Variants in PPARGC1B observed in about 807,000 individuals in gnomAD.
PPARGC1B encodes PPARG coactivator 1 beta, also known as peroxisome proliferator-activated receptor gamma coactivator 1-beta.
Under a neutral mutation model 101.6 loss-of-function variants are expected in PPARGC1B, and 34 were observed. The observed-to-expected ratio is 0.33, with a 90% CI of 0.25 to 0.45. PPARGC1B has a LOEUF of 0.45. Ranked by LOEUF, PPARGC1B falls within the 20% of genes least tolerant of loss-of-function variation. The probability of loss-of-function intolerance (pLI) is 1.00; values close to 1 mark genes in which losing one functional copy is unlikely to be tolerated. For synonymous variants in PPARGC1B, 548 were observed against 539.3 expected, an observed-to-expected ratio of 1.02 and a Z score of -0.22; for missense variants, 1,234 against 1,317.6, an observed-to-expected ratio of 0.94 and a Z score of 0.98.
intron 1 of PPARGC1B, among the ~76,000 whole-genome samples, chr5:149,736,764 A>G (rs556602381): frequency 2.6e-5 from 4 of 151,692 alleles, no homozygotes; most frequent in Non-Finnish European, 4.4e-5. Context: ...TTTTTCTTTT[A>G]AGACTTTATT....
intron 10 of PPARGC1B, among the ~76,000 whole-genome samples, chr5:149,844,767 T>C (rs17110609): frequency 0.019 from 2,818 of 152,322 alleles, 70 homozygotes; most frequent in African/African-American, 0.064. Context: ...GTCCTAATAG[T>C]TGGTGAATGC....
At chr5:149,776,696 C>T (rs1371185209) in intron 1 of PPARGC1B, among the ~76,000 whole-genome samples, 1 of 152,214 alleles carries the variant, frequency 6.6e-6, no homozygotes, top group Non-Finnish European at 1.5e-5. Flanking sequence ...CCAGAGGCCA[C>T]CATTGTAGTG....
intron 1 of PPARGC1B, among the ~76,000 whole-genome samples, chr5:149,778,108 CACAG>C (rs770017239): frequency 0.12 from 10,561 of 88,458 alleles, 3,097 homozygotes; most frequent in Middle Eastern, 0.2. Flanking sequence ...CACACACACA[CACAG>C]AGTACCCAGC....
intron 1 of PPARGC1B, among the ~76,000 whole-genome samples, chr5:149,758,664 C>T (rs995913004): frequency 3.3e-5 from 5 of 152,202 alleles, no homozygotes; most frequent in South Asian, 2.1e-4. Flanking sequence ...CTCATCACCA[C>T]GGGGATTCCA....
intron 1 of PPARGC1B, among the ~76,000 whole-genome samples, chr5:149,745,547 C>T (rs1416017442): frequency 6.6e-6 from 1 of 152,168 alleles, no homozygotes; most frequent in Non-Finnish European, 1.5e-5. Context: ...GTTCCCTCCC[C>T]TCTCTCTTTC....
Position 149,849,620 on chromosome 5 carries a change from A to G in PPARGC1B, c.*2062A>G, listed in dbSNP as rs550124185. The stretch of plus-strand genomic sequence containing the variant: ...TTGATTAGAGTTCAATCTATTTGAC[A>G]TCTTGGGCTAATCTTTGGAAGGTTT... On this transcript the variant is annotated 3_prime_UTR_variant, in exon 12 of 12. Coordinates refer to ENST00000309241, the MANE Select transcript of PPARGC1B (RefSeq NM_133263.4). The G allele has an allele frequency of 5.3e-5, 8 of 152,336 alleles. No homozygotes were observed. The highest frequency in any genetic ancestry group is 1.7e-4 in the African/African-American group (7 of 41,572). 9.4% of individuals were successfully genotyped at this position (152,336 alleles called of 1,614,324 possible). A position where few individuals can be genotyped will look rare whatever the true frequency, so the allele number is the denominator to read the frequency against.
At chr5:149,771,916 C>A (rs1014071418) in intron 1 of PPARGC1B, 4 of 987,324 alleles carry the variant, frequency 4.1e-6, no homozygotes, top group Non-Finnish European at 5.6e-6. Context: ...TGAACGTTGT[C>A]CCCAAGCTTT....
intron 11 of PPARGC1B, 173 bp downstream of exon 11, chr5:149,846,087 G>T: frequency 1.4e-6 from 1 of 716,910 alleles, no homozygotes; most frequent in Non-Finnish European, 2.4e-6. Flanking sequence ...CTACCATCCT[G>T]TTTCTCTTCT....
intron 1 of PPARGC1B, among the ~76,000 whole-genome samples, chr5:149,745,948 G>T (rs1486882816): frequency 6.6e-6 from 1 of 152,148 alleles, no homozygotes; most frequent in Non-Finnish European, 1.5e-5. Flanking sequence ...CAAGTCACCT[G>T]CAGACTCCCA....
At chr5:149,806,983 G>A (rs925587133) in intron 1 of PPARGC1B, among the ~76,000 whole-genome samples, 1 of 151,176 alleles carries the variant, frequency 6.6e-6, no homozygotes, top group Non-Finnish European at 1.5e-5. Context: ...TTGAGACAGG[G>A]TCTTGCTCTG....
At chr5:149,824,382 A>C (rs892453543) in intron 2 of PPARGC1B, among the ~76,000 whole-genome samples, 1 of 152,162 alleles carries the variant, frequency 6.6e-6, no homozygotes, top group African/African-American at 2.4e-5. Flanking sequence ...TCACTCTTTC[A>C]TTAAGTAAAT....
chr5:149,818,060 T>C (rs960391194), intron 1 of PPARGC1B, among the ~76,000 whole-genome samples: 1 of 152,210 alleles, frequency 6.6e-6, no homozygotes, highest in Non-Finnish European at 1.5e-5. Context: ...AGAATCCACC[T>C]GAGTTCCCGC....
At chr5:149,770,902 T>G (rs57091179) in intron 1 of PPARGC1B, among the ~76,000 whole-genome samples, 16 of 152,050 alleles carry the variant, frequency 1.1e-4, no homozygotes, top group Non-Finnish European at 1.9e-4. Context: ...ATGAGACACC[T>G]TGAGTGATAC....
chr5:149,742,029 T>A (rs1754926601), intron 1 of PPARGC1B, among the ~76,000 whole-genome samples: 1 of 152,290 alleles, frequency 6.6e-6, no homozygotes, highest in Non-Finnish European at 1.5e-5. Flanking sequence ...ATGATGATGA[T>A]GGTGGTGGTG....
chr5:149,857,344 T>G (rs1406787840), downstream of PPARGC1B, among the ~76,000 whole-genome samples: 2 of 152,186 alleles, frequency 1.3e-5, no homozygotes, highest in Non-Finnish European at 2.9e-5. Context: ...GCAAGGATCT[T>G]GACCTTTTTT....
intron 1 of PPARGC1B, among the ~76,000 whole-genome samples, chr5:149,746,100 G>C (rs1254882696): frequency 6.6e-6 from 1 of 152,190 alleles, no homozygotes; most frequent in Non-Finnish European, 1.5e-5. Context: ...TCCCAGCTCT[G>C]TGTGCTGCTT....
intron 1 of PPARGC1B, among the ~76,000 whole-genome samples, chr5:149,737,640 C>T (rs1015362882): frequency 2.0e-5 from 3 of 152,278 alleles, no homozygotes; most frequent in Non-Finnish European, 2.9e-5. Context: ...AGGCCTTTGG[C>T]GGGTCACATA....
intron 2 of PPARGC1B, among the ~76,000 whole-genome samples, chr5:149,820,840 C>G (rs1758266242): frequency 6.6e-6 from 1 of 152,220 alleles, no homozygotes; most frequent in South Asian, 2.1e-4. Flanking sequence ...GTGAGATGAA[C>G]TGCTCTCTAG....
intron 1 of PPARGC1B, among the ~76,000 whole-genome samples, chr5:149,755,612 A>ATTG (rs1309686843): frequency 1.4e-5 from 1 of 71,826 alleles, no homozygotes; most frequent in African/African-American, 5.1e-5. Context: ...TATTATTATT[A>ATTG]TTGTTATTAT....
Sources: allele counts gnomAD v4.1 joint callset (sites outside exome capture counted in the v4.1 genomes callset), GRCh38; gene constraint gnomAD v4.1.1; transcripts MANE v1.5; gene names NCBI Gene and HGNC (gene_info 2026-07-23, HGNC 2026-07-21).